Variants in PYROXD1 observed in about 807,000 individuals in gnomAD.
The protein encoded by PYROXD1 is tRNA ligase complex-associated NAD(P)H dehydrogenase PYROXD1.
In PYROXD1, 42 loss-of-function variants were observed where a neutral mutation model predicts 62.0. That is an observed-to-expected ratio of 0.68 (90% CI 0.53 to 0.88). The LOEUF (loss-of-function observed/expected upper bound fraction) is 0.88, where lower values mean the gene tolerates loss of function less well. Among genes scored for constraint, PYROXD1 ranks in the 40% least tolerant of loss-of-function variants. The pLI, the probability that PYROXD1 is intolerant of heterozygous loss-of-function variation, is 0.00. For synonymous variants in PYROXD1, 170 were observed against 206.4 expected (o/e 0.82, Z 1.51); for missense variants, 493 against 604.8 (o/e 0.82, Z 1.94).
intron 10 of PYROXD1, among the ~76,000 whole-genome samples, chr12:21,465,163 A>G (rs943626587): frequency 6.6e-6 from 1 of 152,212 alleles, no homozygotes; most frequent in South Asian, 2.1e-4. Context: ...AGCATGATTT[A>G]TAATCCTTTG....
intron 11 of PYROXD1, among the ~76,000 whole-genome samples, chr12:21,468,162 C>G (rs1942838098): frequency 6.6e-6 from 1 of 151,976 alleles, no homozygotes; most frequent in Non-Finnish European, 1.5e-5. Flanking sequence ...TATCCACATC[C>G]TACATATTTA....
In PYROXD1 at chr12:21,469,460, C is replaced by G. The variant is rs1279522447; in HGVS notation, c.*706C>G. ...AGACAATTCTTCTTCCAATGTGGCT[C>G]AGGGAAGCCAAAAGATTGGACATCC... On this transcript the variant is annotated 3_prime_UTR_variant, in exon 12 of 12. Coordinates refer to ENST00000240651, the MANE Select transcript of PYROXD1 (RefSeq NM_024854.5). The G allele has an allele frequency of 6.6e-6, 1 of 150,378 alleles. No individual in the cohort carries two copies. The highest frequency in any genetic ancestry group is 1.5e-5 in the Non-Finnish European group (1 of 67,750). 9.3% of individuals were successfully genotyped at this position (150,378 alleles called of 1,614,324 possible).
At chr12:21,464,136 GGT>G (rs1491283382) in intron 10 of PYROXD1, among the ~76,000 whole-genome samples, 1 of 107,120 alleles carries the variant, frequency 9.3e-6, no homozygotes, top group African/African-American at 3.6e-5. Flanking sequence ...GGAGTTTATG[GGT>G]TTTTTTTTTT....
chr12:21,443,363 T>C (rs1942330902), intron 2 of PYROXD1, among the ~76,000 whole-genome samples: 1 of 152,186 alleles, frequency 6.6e-6, no homozygotes, highest in Non-Finnish European at 1.5e-5. Flanking sequence ...TGTGTGTGTG[T>C]GTTTACACAT....
chr12:21,455,296 A>G lies in PYROXD1; in HGVS notation c.649+4A>G. The stretch of plus-strand genomic sequence containing the variant: ...AGAACCAGATATACAACTGAAGGTA[A>G]GTGTAGCACCTAGCTCATTAATTCT... On this transcript the variant is annotated splice_donor_region_variant and intron_variant, in intron 6 of 11. Coordinates refer to ENST00000240651, the MANE Select transcript of PYROXD1 (RefSeq NM_024854.5). 1 of 1,477,266 alleles carries G rather than the reference A, an allele frequency of 6.8e-7. No homozygotes were observed. Among genetic ancestry groups the G allele is most frequent in the Non-Finnish European group, 9.0e-7 (1 of 1,107,834 alleles). 91.5% of individuals were successfully genotyped at this position (1,477,266 alleles called of 1,614,324 possible).
intron 5 of PYROXD1, among the ~76,000 whole-genome samples, chr12:21,453,639 GTGA>G (rs1339418561): frequency 6.6e-6 from 1 of 152,022 alleles, no homozygotes; most frequent in African/African-American, 2.4e-5. Flanking sequence ...TCCCCTCTGT[GTGA>G]TGATAATCGT....
intron 4 of PYROXD1, among the ~76,000 whole-genome samples, chr12:21,450,024 A>AT (rs57680030): frequency 2.8e-5 from 4 of 140,960 alleles, no homozygotes; most frequent in African/African-American, 1.0e-4. Flanking sequence ...CGCCTGGCTG[A>AT]TTTTTTTTTT....
Position 21,465,567 on chromosome 12 carries a change from C to T in PYROXD1, c.1117-1914C>T, listed in dbSNP as rs571877874. On this transcript the variant is annotated intron_variant, in intron 10 of 11. Coordinates refer to ENST00000240651, the MANE Select transcript of PYROXD1 (RefSeq NM_024854.5). The stretch of plus-strand genomic sequence containing the variant: ...GTTCATTGTAGATTCTGGATATTAG[C>T]CATTTGTCGGACGAGTAGGTTGCAA... Among the ~76,000 whole-genome samples, 23 of 151,596 alleles carry T rather than the reference C, an allele frequency of 1.5e-4. No homozygotes were observed. In the South Asian group the frequency reaches 4.8e-3, roughly 32 times the overall value.
rs142612258 is a variant in PYROXD1 at position 21,468,503 on chromosome 12, T to C, written c.1255-3T>C. Reference sequence around the variant, plus strand: ...ACAATAACCTTTTTATCTCTAAATATAGGTTGTACTGCTGGGAAAATACAA... The same window carrying C: ...ACAATAACCTTTTTATCTCTAAATACAGGTTGTACTGCTGGGAAAATACAA... On this transcript the variant is annotated splice_region_variant and splice_polypyrimidine_tract_variant and intron_variant, in intron 11 of 11. Coordinates refer to ENST00000240651, the MANE Select transcript of PYROXD1 (RefSeq NM_024854.5). 742 of 1,608,992 alleles carry C rather than the reference T, an allele frequency of 4.6e-4. 10 individuals carry two copies. The East Asian group carries it at 0.016, about 34-fold the overall frequency.
intron 1 of PYROXD1, among the ~76,000 whole-genome samples, chr12:21,439,661 G>A (rs980556806): frequency 6.6e-6 from 1 of 152,084 alleles, no homozygotes; most frequent in African/African-American, 2.4e-5. Flanking sequence ...CCTCAAACAT[G>A]CTGTTTTAGT....
chr12:21,464,639 C>T (rs1476404149), intron 10 of PYROXD1, among the ~76,000 whole-genome samples: 1 of 151,902 alleles, frequency 6.6e-6, no homozygotes, highest in African/African-American at 2.4e-5. Flanking sequence ...GTTTACGTTT[C>T]AGGTAAATGA....
At chr12:21,441,966 G>A (rs1942303265) in intron 2 of PYROXD1, among the ~76,000 whole-genome samples, 1 of 152,368 alleles carries the variant, frequency 6.6e-6, no homozygotes, top group Admixed American at 6.5e-5. Context: ...TGTAGTCTGT[G>A]CAGCTCCGTC....
chr12:21,446,070 C>T (rs1045611871), intron 3 of PYROXD1, among the ~76,000 whole-genome samples: 1 of 152,142 alleles, frequency 6.6e-6, no homozygotes, highest in African/African-American at 2.4e-5. Context: ...AGGAGATTGG[C>T]AATCAAGGCT....
Position 21,441,573 on chromosome 12 carries a change from A to AT in PYROXD1, c.165+1134dup, listed in dbSNP as rs531116298. 2.6e-3 allele frequency among the ~76,000 whole-genome samples: 381 copies of AT among 149,030 alleles called. 2 individuals are homozygous for AT. The highest frequency in any genetic ancestry group is 4.0e-3 in the Non-Finnish European group (271 of 67,138). On this transcript the variant is annotated intron_variant, in intron 2 of 11. Transcript: ENST00000240651. Reference sequence around the variant, plus strand: ...TTCTCTTGTTGACATAGTCTGTTGCATTTTTTTTTGTTTCATTCATTGCAT... The same window carrying AT: ...TTCTCTTGTTGACATAGTCTGTTGCATTTTTTTTTTGTTTCATTCATTGCAT...
At chr12:21,453,885 A>G (rs565704888) in intron 5 of PYROXD1, among the ~76,000 whole-genome samples, 4 of 152,214 alleles carry the variant, frequency 2.6e-5, no homozygotes, top group Admixed American at 1.3e-4. Flanking sequence ...AAAGCATTAC[A>G]TGATAACTGT....
chr12:21,462,432 T>A (rs940274283), intron 9 of PYROXD1, among the ~76,000 whole-genome samples: 1 of 146,278 alleles, frequency 6.8e-6, no homozygotes, highest in Non-Finnish European at 1.5e-5. Context: ...CCATCTTGTA[T>A]TTTTTGCTTT....
intron 5 of PYROXD1, 65 bp from the exon 6 acceptor site, chr12:21,455,067 C>A: frequency 2.0e-6 from 2 of 997,700 alleles, no homozygotes; most frequent in South Asian, 3.6e-5. Context: ...TCATTATTTG[C>A]AAATGCAAAG....
chr12:21,463,497 C>T (rs923266692), intron 10 of PYROXD1, among the ~76,000 whole-genome samples: 2 of 151,918 alleles, frequency 1.3e-5, no homozygotes, highest in African/African-American at 4.8e-5. Flanking sequence ...TTGAGACCAG[C>T]CTGAACAACA....
At chr12:21,440,562 A>C in intron 2 of PYROXD1, 114 bp downstream of exon 2, 2 of 620,842 alleles carry the variant, frequency 3.2e-6, no homozygotes, top group Non-Finnish European at 5.7e-6. Flanking sequence ...AAGTACAGTT[A>C]TATGCTGTAC....
Sources: gnomAD v4.1 joint callset for allele counts (sites outside exome capture counted in the v4.1 genomes callset) on GRCh38, gnomAD v4.1.1 for gene constraint, MANE v1.5 for transcripts, NCBI Gene and HGNC (gene_info 2026-07-23, HGNC 2026-07-21) for gene names.